The following GGTA1 variants were observed in gnomAD, a reference collection of about 807,000 sequenced individuals.
GGTA1 encodes the protein glycoprotein alpha-galactosyltransferase 1 (inactive).
A neutral mutation model predicts 2.6 loss-of-function variants in GGTA1; 5 were observed. That is an observed-to-expected ratio of 1.92 (90% confidence interval 1.00 to 4.04). GGTA1 has a LOEUF of 4.04. Ranked by LOEUF, GGTA1 falls within the 30% of genes most tolerant of loss-of-function variation. The pLI is 0.00. For synonymous variants in GGTA1, 17 were observed against 5.0 expected (o/e 3.38, Z -3.19); for missense variants, 50 against 16.7 (o/e 2.99, Z -3.47).
chr9:121,457,700 T>TA (rs35336090), intron 5 of GGTA1, among the ~76,000 whole-genome samples: 34,353 of 122,972 alleles, frequency 0.28, 5,287 homozygotes, highest in Non-Finnish European at 0.33. Context: ...GAATCCATCT[T>TA]AAAAAAAAAA....
intron 2 of GGTA1, among the ~76,000 whole-genome samples, 152 bp downstream of exon 2, chr9:121,467,691 C>A (rs901230149): frequency 6.6e-6 from 1 of 152,090 alleles, no homozygotes; most frequent in Non-Finnish European, 1.5e-5. Flanking sequence ...TAAAGACAGT[C>A]CAGGGCTTAG....
chr9:121,468,692 C>G (rs1828310821), intron 1 of GGTA1, among the ~76,000 whole-genome samples: 1 of 152,216 alleles, frequency 6.6e-6, no homozygotes, highest in South Asian at 2.1e-4. Context: ...GGAGTCTGTT[C>G]TACCTTAAAT....
chr9:121,469,470 A>G (rs1277831656), intron 1 of GGTA1, among the ~76,000 whole-genome samples: 2 of 152,188 alleles, frequency 1.3e-5, no homozygotes, highest in African/African-American at 4.8e-5. Context: ...GGGAGCCACA[A>G]GCACCTTGGA....
At chr9:121,477,670 G>A (rs1212553739) in intron 1 of GGTA1, among the ~76,000 whole-genome samples, 1 of 143,390 alleles carries the variant, frequency 7.0e-6, no homozygotes, top group African/African-American at 2.6e-5. Flanking sequence ...CCGCCTCCCA[G>A]GTTCATGCCA....
At chr9:121,495,943 G>C (rs1181090623) in intron 1 of GGTA1, among the ~76,000 whole-genome samples, 1 of 152,214 alleles carries the variant, frequency 6.6e-6, no homozygotes, top group Non-Finnish European at 1.5e-5. Context: ...CAAAGTTTGA[G>C]ATAAGATGAA....
At chr9:121,479,431 C>T (rs1032123672) in intron 1 of GGTA1, 2 of 270,630 alleles carry the variant, frequency 7.4e-6, no homozygotes, top group Middle Eastern at 1.4e-3. Context: ...GGGAAACGAG[C>T]TGTTTATCAG....
intron 1 of GGTA1, among the ~76,000 whole-genome samples, chr9:121,496,757 A>AAAAAAAAAAAAAAAAAAAAAAAAAGAG (rs1554838784): frequency 1.6e-4 from 18 of 111,992 alleles, no homozygotes; most frequent in Non-Finnish European, 2.7e-4. Context: ...AAAAAAAAAA[A>AAAAAAAAAAAAAAAAAAAAAAAAAGAG]AGAGAGAGAG....
chr9:121,472,412 A>T (rs1393858127), intron 1 of GGTA1, among the ~76,000 whole-genome samples: 4 of 152,194 alleles, frequency 2.6e-5, no homozygotes, highest in Non-Finnish European at 5.9e-5. Flanking sequence ...CAGAAGAAAA[A>T]AAAAAGTCCA....
At chr9:121,447,319 T>G (rs777177221) in exon 8 of GGTA1, 3 of 152,652 alleles carry the variant, frequency 2.0e-5, no homozygotes, top group Non-Finnish European at 4.4e-5. Context: ...AAAATGGTCT[T>G]GGAAGACCTG....
intron 1 of GGTA1, among the ~76,000 whole-genome samples, chr9:121,497,472 G>T (rs10985274): frequency 0.52 from 78,951 of 151,722 alleles, 21,031 homozygotes; most frequent in South Asian, 0.65. Context: ...AATCCTAGCT[G>T]CCATTTAGTT....
At chr9:121,485,234 A>G (rs1828734723) in intron 1 of GGTA1, among the ~76,000 whole-genome samples, 1 of 152,162 alleles carries the variant, frequency 6.6e-6, no homozygotes, top group Non-Finnish European at 1.5e-5. Context: ...ACATGGGCCT[A>G]CCTTCTCTGG....
At chr9:121,483,720 C>T (rs1008849566) in intron 1 of GGTA1, among the ~76,000 whole-genome samples, 8 of 152,170 alleles carry the variant, frequency 5.3e-5, no homozygotes, top group African/African-American at 1.9e-4. Context: ...TAGGGCCTCA[C>T]TGTTGTAGAG....
At chr9:121,473,923 AAG>A (rs1828448377) in intron 1 of GGTA1, among the ~76,000 whole-genome samples, 1 of 140,452 alleles carries the variant, frequency 7.1e-6, no homozygotes, top group South Asian at 2.5e-4. Context: ...GCAAGAAAGA[AAG>A]AGAGAAAGAG....
At chr9:121,461,398 C>T (rs573997011) in intron 3 of GGTA1, 81 bp from the exon 4 acceptor site, 128 of 405,534 alleles carry the variant, frequency 3.2e-4, no homozygotes, top group East Asian at 5.1e-4. Context: ...TTTCTATAGC[C>T]GAGATTACTT....
At chr9:121,445,039 G>C (rs2064846651) in exon 8 of GGTA1, 1 of 152,098 alleles carries the variant, frequency 6.6e-6, no homozygotes, top group South Asian at 2.1e-4. Context: ...TTTTTAAAAA[G>C]TTTAGTAATA....
At chr9:121,493,688 A>G (rs1828922111) in intron 1 of GGTA1, among the ~76,000 whole-genome samples, 1 of 144,240 alleles carries the variant, frequency 6.9e-6, no homozygotes, top group Non-Finnish European at 1.5e-5. Context: ...CCACTATTCA[A>G]CCCTCTTGAC....
chr9:121,453,713 T>G (rs747024246), downstream of GGTA1, among the ~76,000 whole-genome samples: 2 of 152,196 alleles, frequency 1.3e-5, no homozygotes, highest in Non-Finnish European at 2.9e-5. Context: ...CTGGTGAGGC[T>G]GTCAAGGAGA....
At chr9:121,461,536 A>T (rs2118672055) in intron 3 of GGTA1, among the ~76,000 whole-genome samples, 1 of 152,290 alleles carries the variant, frequency 6.6e-6, no homozygotes. Flanking sequence ...CCCAGCCCTC[A>T]GCTCATCCTG....
chr9:121,467,871 T>A lies in GGTA1; in HGVS notation c.52A>T (p.Ile18Phe), dbSNP rs1221526487. 1 of 456,148 alleles carries A rather than the reference T, an allele frequency of 2.2e-6. No homozygotes were observed. Among genetic ancestry groups the A allele is most frequent in the African/African-American group, 2.0e-5 (1 of 50,062 alleles). 28.3% of individuals were successfully genotyped at this position (456,148 alleles called of 1,614,324 possible). The change falls in exon 2 of 6, where the codon ATC becomes TTC. Residue 18 changes from isoleucine to phenylalanine, a missense_variant. Coordinates refer to ENST00000481799, the MANE Select transcript of GGTA1 (RefSeq NM_001382585.1). Reference sequence around the variant, plus strand: ...TTGATAAATTCCCAAAACACAATGATCACAGTTGAGACAACCAGCATTGAC... The same window carrying A: ...TTGATAAATTCCCAAAACACAATGAACACAGTTGAGACAACCAGCATTGAC... ...ILSMLVVSTV[I>F]IVFWEFINST...
Sources: allele counts gnomAD v4.1 joint callset (sites outside exome capture counted in the v4.1 genomes callset), GRCh38; gene constraint gnomAD v4.1.1; transcripts MANE v1.5; gene names NCBI Gene and HGNC (gene_info 2026-07-23, HGNC 2026-07-21).